Variants in SEC22B observed in about 807,000 individuals in gnomAD.
SEC22B encodes SEC22 homolog B, vesicle trafficking protein.
Under a neutral mutation model 31.4 loss-of-function variants are expected in SEC22B, and 10 were observed. The ratio of observed to expected loss-of-function variants is 0.32; its 90% CI spans 0.20 to 0.54. The LOEUF (loss-of-function observed/expected upper bound fraction) is 0.54, where lower values mean the gene tolerates loss of function less well. Ranked by LOEUF, SEC22B falls within the 20% of genes least tolerant of loss-of-function variation. SEC22B has a pLI of 0.94. For missense variants in SEC22B, 130 were observed against 263.4 expected (o/e 0.49, Z 3.50); for synonymous variants, 60 against 95.9 (o/e 0.63, Z 2.19).
rs1478090995 is a variant in SEC22B at position 120,156,037 on chromosome 1, G to A, written c.*1001C>T. 2 of 152,088 alleles carry A rather than the reference G, an allele frequency of 1.3e-5. No homozygotes were observed. The highest frequency in any genetic ancestry group is 3.8e-4 in the East Asian group (2 of 5,200). The allele number at this position is 152,088 out of a possible 1,614,324, so 9.4% of individuals were successfully genotyped here. On this transcript the variant is annotated 3_prime_UTR_variant, in exon 5 of 5. Transcript: ENST00000578049. Reference sequence around the variant, plus strand: ...TACATAGATGAATATTTTTTATTTTGAAATTTGAGAATGTCCTAAGAGGAT... The same window carrying A: ...TACATAGATGAATATTTTTTATTTTAAAATTTGAGAATGTCCTAAGAGGAT...
chr1:120,163,663 C>T (rs1192122146), intron 2 of SEC22B, among the ~76,000 whole-genome samples: 19 of 151,430 alleles, frequency 1.3e-4, no homozygotes, highest in African/African-American at 3.2e-4. Flanking sequence ...GCAACCTCCG[C>T]CTCCCGGGTT....
rs1190529264 is a variant in SEC22B, at chr1:120,156,033, T to C, written c.*1005A>G. 6.6e-6 allele frequency: 1 copy of C among 152,206 alleles called. No individual in the cohort carries two copies. Among genetic ancestry groups the C allele is most frequent in the African/African-American group, 2.4e-5 (1 of 41,472 alleles). 9.4% of individuals were successfully genotyped at this position (152,206 alleles called of 1,614,324 possible). On this transcript the variant is annotated 3_prime_UTR_variant, in exon 5 of 5. Transcript: ENST00000578049. ...TAACTACATAGATGAATATTTTTTA[T>C]TTTGAAATTTGAGAATGTCCTAAGA...
At chr1:120,163,159 C>A (rs2101128679) in intron 3 of SEC22B, 51 bp downstream of exon 3, 1 of 579,750 alleles carries the variant, frequency 1.7e-6, no homozygotes, top group South Asian at 3.5e-5. Context: ...CAAATAGCTT[C>A]TCCATATTGT....
chr1:120,161,027 T>A (rs1277510087), intron 3 of SEC22B, among the ~76,000 whole-genome samples: 1 of 152,240 alleles, frequency 6.6e-6, no homozygotes, highest in Non-Finnish European at 1.5e-5. Flanking sequence ...AAAGGTATAA[T>A]TAGACGACCA....
In SEC22B at chr1:120,150,933, T is replaced by C. The variant is rs61789908; in HGVS notation, c.*6105A>G. Reference sequence around the variant, plus strand: ...AAAGCGCAAAATAGAAGAGGCAGCATTGTTTTATAACAACTCACTCTCTTG... The same window carrying C: ...AAAGCGCAAAATAGAAGAGGCAGCACTGTTTTATAACAACTCACTCTCTTG... On this transcript the variant is annotated 3_prime_UTR_variant, in exon 5 of 5. Transcript: ENST00000578049. The C allele has an allele frequency of 1.2e-4, 18 of 152,208 alleles. No homozygotes were observed. The highest frequency in any genetic ancestry group is 3.9e-4 in the African/African-American group (16 of 41,442). The allele number at this position is 152,208 out of a possible 1,614,324, so 9.4% of individuals were successfully genotyped here. A position where few individuals can be genotyped will look rare whatever the true frequency, so the allele number is the denominator to read the frequency against.
chr1:120,163,849 AT>A (rs1258790360), intron 2 of SEC22B, among the ~76,000 whole-genome samples: 2 of 150,022 alleles, frequency 1.3e-5, no homozygotes, highest in African/African-American at 4.9e-5. Context: ...AAGTGCTGGG[AT>A]TACAGGCGTG....
chr1:120,161,298 T>C (rs1415614273), intron 3 of SEC22B, among the ~76,000 whole-genome samples: 1 of 152,232 alleles, frequency 6.6e-6, no homozygotes, highest in East Asian at 1.9e-4. Context: ...TGAGAAACTT[T>C]ACCTTTTCTC....
rs1291861327 is a variant in SEC22B, at chr1:120,151,688, T to C, written c.*5350A>G. On this transcript the variant is annotated 3_prime_UTR_variant, in exon 5 of 5. Coordinates refer to ENST00000578049, the MANE Select transcript of SEC22B (RefSeq NM_004892.6). ...ATAAAAATGAAAAAATTATTATCCA[T>C]GGTATTATCATGGTAGTACTGACTA... 2 of 151,444 alleles carry C rather than the reference T, an allele frequency of 1.3e-5. No individual in the cohort carries two copies. The highest frequency in any genetic ancestry group is 4.9e-5 in the African/African-American group (2 of 41,174). 9.4% of individuals were successfully genotyped at this position (151,444 alleles called of 1,614,324 possible). A position where few individuals can be genotyped will look rare whatever the true frequency, so the allele number is the denominator to read the frequency against.
At chr1:120,174,167 A>G (rs1657924665) in intron 1 of SEC22B, among the ~76,000 whole-genome samples, 1 of 151,658 alleles carries the variant, frequency 6.6e-6, no homozygotes, top group Non-Finnish European at 1.5e-5. Context: ...AATTTAGGCA[A>G]GTGATCTATC....
At chr1:120,161,881 T>C (rs1657724487) in intron 3 of SEC22B, among the ~76,000 whole-genome samples, 2 of 140,428 alleles carry the variant, frequency 1.4e-5, no homozygotes, top group South Asian at 2.2e-4. Context: ...TCTGCCCTCC[T>C]GCACCTTGCT....
chr1:120,172,363 G>A (rs1201647959), intron 1 of SEC22B, among the ~76,000 whole-genome samples: 1 of 31,828 alleles, frequency 3.1e-5, no homozygotes, highest in Non-Finnish European at 4.8e-5. Flanking sequence ...TATTTAACTC[G>A]TTTATTCTTC....
At chr1:120,159,700 G>A (rs1284493362) in intron 4 of SEC22B, among the ~76,000 whole-genome samples, 5 of 152,044 alleles carry the variant, frequency 3.3e-5, no homozygotes, top group African/African-American at 9.7e-5. Flanking sequence ...CAGGCTATAA[G>A]GATCAGAGAA....
rs1447842112 is a variant in SEC22B, at chr1:120,150,947, C to T, written c.*6091G>A. 1.3e-5 allele frequency: 2 copies of T among 152,184 alleles called. No homozygotes were observed. Among genetic ancestry groups the T allele is most frequent in the East Asian group, 3.8e-4 (2 of 5,196 alleles). 9.4% of individuals were successfully genotyped at this position (152,184 alleles called of 1,614,324 possible). On this transcript the variant is annotated 3_prime_UTR_variant, in exon 5 of 5. Transcript: ENST00000578049. ...AAGAGGCAGCATTGTTTTATAACAA[C>T]TCACTCTCTTGGGAACTAACCATTC... is the stretch of plus-strand genomic sequence containing the variant.
intron 3 of SEC22B, among the ~76,000 whole-genome samples, chr1:120,161,410 C>T (rs1419179276): frequency 1.3e-5 from 2 of 151,766 alleles, no homozygotes; most frequent in South Asian, 2.1e-4. Context: ...ACTGAAGTCT[C>T]GGCCAGGCAC....
chr1:120,174,599 C>A (rs1224966567), intron 1 of SEC22B, among the ~76,000 whole-genome samples: 1 of 149,768 alleles, frequency 6.7e-6, no homozygotes, highest in African/African-American at 2.5e-5. Context: ...AGAGTAGGGG[C>A]CACTAATATT....
In SEC22B at chr1:120,154,224, T is replaced by C. The variant is rs1256164168; in HGVS notation, c.*2814A>G. The C allele has an allele frequency of 1.6e-4, 24 of 152,208 alleles. No homozygotes were observed. The highest frequency in any genetic ancestry group is 3.4e-3 in the Middle Eastern group (1 of 294). The allele number at this position is 152,208 out of a possible 1,614,324, so 9.4% of individuals were successfully genotyped here. ...TTTATTTGACCTCTTGGTGGTAATA[T>C]AGCGTAAGAGCACAGACTCTGGAGC... On this transcript the variant is annotated 3_prime_UTR_variant, in exon 5 of 5. Coordinates refer to ENST00000578049, the MANE Select transcript of SEC22B (RefSeq NM_004892.6).
At chr1:120,170,071 CCCT>C (rs1208667823) in intron 1 of SEC22B, among the ~76,000 whole-genome samples, 2 of 145,222 alleles carry the variant, frequency 1.4e-5, no homozygotes, top group African/African-American at 5.3e-5. Flanking sequence ...CAGGAATAGG[CCCT>C]CAATAGTCAC....
At chr1:120,160,573 A>G (rs1657698866) in intron 3 of SEC22B, 43 bp from the exon 4 acceptor site, 7 of 1,515,328 alleles carry the variant, frequency 4.6e-6, no homozygotes, top group Admixed American at 2.1e-5. Flanking sequence ...CATGGCCATC[A>G]AAGTACTGAG....
At chr1:120,159,560 T>C (rs1365564828) in intron 4 of SEC22B, among the ~76,000 whole-genome samples, 3 of 149,150 alleles carry the variant, frequency 2.0e-5, no homozygotes, top group African/African-American at 7.3e-5. Flanking sequence ...ATATATTTAA[T>C]ATGGTAAGAG....
Sources: allele counts gnomAD v4.1 joint callset (sites outside exome capture counted in the v4.1 genomes callset), GRCh38; gene constraint gnomAD v4.1.1; transcripts MANE v1.5; gene names NCBI Gene and HGNC (gene_info 2026-07-23, HGNC 2026-07-21).